The following ANK1 variants were observed in gnomAD, a reference collection of about 807,000 sequenced individuals.
ANK1 encodes the protein ankyrin-1.
Under a neutral mutation model 210.4 loss-of-function variants are expected in ANK1, and 51 were observed. That is an observed-to-expected ratio of 0.24 (90% CI 0.19 to 0.31). The LOEUF (loss-of-function observed/expected upper bound fraction) is 0.31, where lower values mean the gene tolerates loss of function less well. Ranked by LOEUF, ANK1 falls within the 10% of genes least tolerant of loss-of-function variation. ANK1 has a pLI of 1.00. For synonymous variants in ANK1, 967 were observed against 1,025.9 expected, an observed-to-expected ratio of 0.94 and a Z score of 1.10; for missense variants, 2,051 against 2,504.4, an observed-to-expected ratio of 0.82 and a Z score of 3.86.
At chr8:41,894,022 C>T (rs1263767933) in intron 1 of ANK1, among the ~76,000 whole-genome samples, 1 of 152,020 alleles carries the variant, frequency 6.6e-6, no homozygotes. Flanking sequence ...TTTCCACCTG[C>T]TTGTGATTTT....
intron 3 of ANK1, among the ~76,000 whole-genome samples, chr8:41,732,664 C>G (rs923262818): frequency 2.6e-5 from 4 of 152,078 alleles, no homozygotes; most frequent in African/African-American, 7.2e-5. Context: ...CTCCCCTCCT[C>G]GGCCTCCCAA....
rs116120863 is a variant in ANK1 at position 41,746,851 on chromosome 8, G to A, written c.129+11185C>T. On this transcript the variant is annotated intron_variant, in intron 2 of 42. Transcript: ENST00000289734. Reference sequence around the variant, plus strand: ...TGGACTAGAAAGAGCATCTATGCCCGAGATCTTGGTATTCTTTAAAAAAAA... The same window carrying A: ...TGGACTAGAAAGAGCATCTATGCCCAAGATCTTGGTATTCTTTAAAAAAAA... Among the ~76,000 whole-genome samples, 1,022 of 147,128 alleles carry A rather than the reference G, an allele frequency of 6.9e-3. 12 individuals are homozygous for A. Among genetic ancestry groups the A allele is most frequent in the African/African-American group, 0.025 (992 of 39,822 alleles).
chr8:41,784,036 T>C (rs1384085616), intron 1 of ANK1, among the ~76,000 whole-genome samples: 1 of 142,854 alleles, frequency 7.0e-6, no homozygotes, highest in Non-Finnish European at 1.5e-5. Flanking sequence ...GCAGACTTGG[T>C]GGCATCGCAA....
chr8:41,755,714 C>T (rs1293711148), intron 2 of ANK1, among the ~76,000 whole-genome samples: 1 of 152,206 alleles, frequency 6.6e-6, no homozygotes, highest in Non-Finnish European at 1.5e-5. Context: ...AGACTCTCAC[C>T]CTGCCTCCAG....
intron 2 of ANK1, among the ~76,000 whole-genome samples, chr8:41,735,972 G>T (rs1012755615): frequency 6.6e-6 from 1 of 151,986 alleles, no homozygotes; most frequent in Non-Finnish European, 1.5e-5. Context: ...GAGAGGGGGT[G>T]GTTCACCAAA....
At chr8:41,684,443 C>A (rs539371167) in intron 37 of ANK1, 101 bp downstream of exon 37, 1 of 1,543,578 alleles carries the variant, frequency 6.5e-7, no homozygotes, top group Non-Finnish European at 8.9e-7. Context: ...GGAGGCAGAG[C>A]GGGCTTTGAG....
At chr8:41,695,951 G>A (rs1206772971) in intron 26 of ANK1, among the ~76,000 whole-genome samples, 1 of 152,184 alleles carries the variant, frequency 6.6e-6, no homozygotes, top group East Asian at 1.9e-4. Context: ...GGCCAGGGAG[G>A]CCGTCTTACT....
chr8:41,881,507 C>T (rs1041347792), intron 1 of ANK1, among the ~76,000 whole-genome samples: 8 of 152,186 alleles, frequency 5.3e-5, no homozygotes, highest in Non-Finnish European at 1.0e-4. Flanking sequence ...GATGCTAGTA[C>T]AAGGTGGGGA....
At chr8:41,794,641 G>A (rs536352310) in intron 1 of ANK1, among the ~76,000 whole-genome samples, 44 of 152,242 alleles carry the variant, frequency 2.9e-4, no homozygotes, top group African/African-American at 1.0e-3. Flanking sequence ...CTATATTCCC[G>A]GTGCCCCAAC....
In ANK1 at chr8:41,715,679, C is replaced by T; in HGVS notation, c.1575G>A (p.Lys525=). 6.2e-7 allele frequency: 1 copy of T among 1,613,862 alleles called. No homozygotes were observed. Among genetic ancestry groups the T allele is most frequent in the Non-Finnish European group, 8.5e-7 (1 of 1,180,014 alleles). ...TGGTCATGCAGGCCTGGGATGCTTC[C>T]TTTTCCAGAAGGGCCAGGACTGTTT... The part of the protein sequence containing the change: ...HVETVLALLE[K]EASQACMTKK... Residue 525 remains lysine (K), a synonymous_variant, in exon 14 of 43, where the codon AAG becomes AAA. Transcript: ENST00000289734.
intron 1 of ANK1, among the ~76,000 whole-genome samples, chr8:41,842,853 G>C (rs1278305765): frequency 2.0e-5 from 3 of 150,672 alleles, no homozygotes; most frequent in Non-Finnish European, 4.4e-5. Flanking sequence ...TTGTTCATTT[G>C]TTTGTTTGTT....
At chr8:41,887,187 C>T (rs186043964) in intron 1 of ANK1, among the ~76,000 whole-genome samples, 5 of 150,710 alleles carry the variant, frequency 3.3e-5, no homozygotes, top group African/African-American at 1.2e-4. Flanking sequence ...CTTTCTGTGT[C>T]TCGACAACTT....
intron 42 of ANK1, 30 bp from the exon 43 acceptor site, chr8:41,655,783 T>A (rs1286023272): frequency 6.2e-7 from 1 of 1,613,004 alleles, no homozygotes; most frequent in African/African-American, 1.3e-5. Flanking sequence ...AAGGAGTCAC[T>A]TAGAATGCAA....
Position 41,694,904 on chromosome 8 carries a change from C to T in ANK1, c.3116-101G>A. On this transcript the variant is annotated intron_variant, in intron 27 of 42. Transcript: ENST00000289734. This position sits in a 1 kb window ranked among gnomAD's most constrained non-coding sequence, Gnocchi z 5.7. Reference sequence around the variant, plus strand: ...CCTTGTCCCCAAGACCCAGTGCACACACCCTCCCCAGGTGCCGGGCGGCAT... The same window carrying T: ...CCTTGTCCCCAAGACCCAGTGCACATACCCTCCCCAGGTGCCGGGCGGCAT... 7.8e-7 allele frequency: 1 copy of T among 1,278,220 alleles called. No individual in the cohort carries two copies. The highest frequency in any genetic ancestry group is 1.1e-6 in the Non-Finnish European group (1 of 896,184). The allele number at this position is 1,278,220 out of a possible 1,614,324, so 79.2% of individuals were successfully genotyped here.
rs1349728446 is a variant in ANK1, at chr8:41,696,568, C to A, written c.2755G>T (p.Val919Phe). 6.2e-7 allele frequency: 1 copy of A among 1,613,906 alleles called. No individual in the cohort carries two copies. The highest frequency in any genetic ancestry group is 1.7e-5 in the Admixed American group (1 of 60,012). The change falls in exon 26 of 43, where the codon GTT (valine) becomes TTT (phenylalanine). Residue 919 changes from valine (V) to phenylalanine (F), a missense_variant. This residue lies in a region of ANK1 where 1,413 missense variants were observed against 1,707.4 expected (regional missense o/e 0.83). Coordinates refer to ENST00000289734, the MANE Select transcript of ANK1 (RefSeq NM_000037.4). ...VHTGFLVSFM[V>F]DARGGSMRGS... ...CTCATGGAACCACCCCGGGCGTCAA[C>A]CATGAAGCTCACCAGAAACCTAGGA... is the stretch of plus-strand genomic sequence containing the variant.
chr8:41,684,658 C>T lies in ANK1; in HGVS notation c.4423G>A (p.Asp1475Asn). The T allele has an allele frequency of 6.2e-7, 1 of 1,613,790 alleles. No homozygotes were observed. The highest frequency in any genetic ancestry group is 8.5e-7 in the Non-Finnish European group (1 of 1,179,990). ...ENLYTALQSI[D>N]RGEIVNMLEG... ...AGCATGTTCACGATCTCGCCACGGT[C>T]AATGCTCTGCAGGGCTGTGTACAGA... Residue 1475 changes from aspartate to asparagine, a missense_variant, in exon 37 of 43, where the codon GAC (aspartate) becomes AAC (asparagine). Asp to Asn is a conservative substitution (Grantham distance 23). Transcript: ENST00000289734.
At chr8:41,841,414 C>T (rs568754105) in intron 1 of ANK1, among the ~76,000 whole-genome samples, 4 of 152,242 alleles carry the variant, frequency 2.6e-5, no homozygotes, top group South Asian at 2.1e-4. Flanking sequence ...GCTCAATGGG[C>T]GTAAGTTTCC....
At position 41,850,743 on chromosome 8, in the gene ANK1, A is replaced by G. The variant is rs565356868; in HGVS notation, c.126+45612T>C. ...GCCATCCTCCTGCCTTGGCCTCCCA[A>G]AGTGCTGGGATTACAAGCATGAGCT... On this transcript the variant is annotated intron_variant, in intron 1 of 42. Transcript: ENST00000265709. Among the ~76,000 whole-genome samples, 5 of 152,330 alleles carry G rather than the reference A, an allele frequency of 3.3e-5. No individual in the cohort carries two copies. In the East Asian group the frequency reaches 7.7e-4, roughly 24 times the overall value.
intron 35 of ANK1, 34 bp downstream of exon 35, chr8:41,688,122 C>T (rs1212551955): frequency 6.2e-6 from 10 of 1,604,776 alleles, no homozygotes; most frequent in Non-Finnish European, 8.5e-6. Flanking sequence ...GTGAGATGGA[C>T]AAAGTGCTTT....
Sources: allele counts gnomAD v4.1 joint callset (sites outside exome capture counted in the v4.1 genomes callset), GRCh38; gene constraint gnomAD v4.1.1; regional missense constraint gnomAD v4.1.1; non-coding constraint Gnocchi (gnomAD v3.1); transcripts MANE v1.5; gene names NCBI Gene and HGNC (gene_info 2026-07-23, HGNC 2026-07-21).